PPM1H: variants seen among roughly 807,000 people sequenced by gnomAD.
The protein encoded by PPM1H is protein phosphatase 1H.
In PPM1H, 27 loss-of-function variants were observed where a neutral mutation model predicts 54.9. The ratio of observed to expected loss-of-function variants is 0.49; its 90% CI spans 0.36 to 0.68. The LOEUF (loss-of-function observed/expected upper bound fraction) is 0.68, where lower values mean the gene tolerates loss of function less well. Ranked by LOEUF, PPM1H falls within the 30% of genes least tolerant of loss-of-function variation. The probability of loss-of-function intolerance (pLI) is 0.00; values close to 1 mark genes in which losing one functional copy is unlikely to be tolerated. For missense variants in PPM1H, 596 were observed against 667.8 expected, an observed-to-expected ratio of 0.89 and a Z score of 1.19; for synonymous variants, 305 against 270.8, an observed-to-expected ratio of 1.13 and a Z score of -1.24.
Position 62,877,095 on chromosome 12 carries a change from C to T in PPM1H, c.246-44816G>A, listed in dbSNP as rs17822974. ...TTATTGTGTTCACTGACCTAGGGTA[C>T]GCATATTTTGCTCTAATTAGAAATA... On this transcript the variant is annotated intron_variant, in intron 1 of 9. Coordinates refer to ENST00000228705, the MANE Select transcript of PPM1H (RefSeq NM_020700.2). Among the ~76,000 whole-genome samples, 848 of 152,266 alleles carry T rather than the reference C, an allele frequency of 5.6e-3. 8 individuals are homozygous for T. The highest frequency in any genetic ancestry group is 0.032 in the South Asian group (155 of 4,822).
chr12:62,819,326 A>G (rs1188544497), intron 2 of PPM1H, among the ~76,000 whole-genome samples: 1 of 148,022 alleles, frequency 6.8e-6, no homozygotes, highest in African/African-American at 2.5e-5. Flanking sequence ...AGATGGGTTC[A>G]CCTTCTTGGC....
intron 6 of PPM1H, among the ~76,000 whole-genome samples, chr12:62,707,180 G>T (rs939783025): frequency 6.6e-6 from 1 of 152,118 alleles, no homozygotes; most frequent in African/African-American, 2.4e-5. Flanking sequence ...ATGGTCTCCT[G>T]ACCTATCCCA....
intron 4 of PPM1H, among the ~76,000 whole-genome samples, chr12:62,745,972 C>T (rs2076408071): frequency 6.6e-6 from 1 of 152,116 alleles, no homozygotes; most frequent in Admixed American, 6.5e-5. Context: ...GCAGGAAGAT[C>T]ACTTGAACCC....
intron 3 of PPM1H, among the ~76,000 whole-genome samples, chr12:62,789,988 G>A (rs930861443): frequency 6.6e-6 from 1 of 152,194 alleles, no homozygotes; most frequent in Non-Finnish European, 1.5e-5. Flanking sequence ...GGTGCAGAGG[G>A]AAGGAAAATG....
chr12:62,761,928 G>A (rs1034453364), intron 4 of PPM1H, among the ~76,000 whole-genome samples: 5 of 152,144 alleles, frequency 3.3e-5, no homozygotes, highest in African/African-American at 7.2e-5. Context: ...TCCCAGAAGC[G>A]GCTCTTCCCA....
chr12:62,763,887 T>C (rs1396811473), intron 4 of PPM1H, among the ~76,000 whole-genome samples: 3 of 152,192 alleles, frequency 2.0e-5, no homozygotes, highest in African/African-American at 7.2e-5. Flanking sequence ...CCACTCCTGG[T>C]TGCTTTTGAA....
chr12:62,903,419 C>T (rs982805244), intron 1 of PPM1H, among the ~76,000 whole-genome samples: 2 of 152,122 alleles, frequency 1.3e-5, no homozygotes, highest in Non-Finnish European at 1.5e-5. Context: ...GACTTCCACC[C>T]GCGATGCAAT....
Position 62,791,957 on chromosome 12 carries a change from T to C in PPM1H, c.757-3619A>G, listed in dbSNP as rs116793402. Among the ~76,000 whole-genome samples, 1,185 of 152,288 alleles carry C rather than the reference T, an allele frequency of 7.8e-3. 17 individuals are homozygous for C. The highest frequency in any genetic ancestry group is 0.027 in the African/African-American group (1,125 of 41,554). On this transcript the variant is annotated intron_variant, in intron 3 of 9. Coordinates refer to ENST00000228705, the MANE Select transcript of PPM1H (RefSeq NM_020700.2). ...AAATTATCTGAACACCTACTGCTTG[T>C]ATACTGTCTATAGACTAGAATGTGA...
chr12:62,733,149 A>T (rs2076332193), intron 5 of PPM1H, among the ~76,000 whole-genome samples: 1 of 152,162 alleles, frequency 6.6e-6, no homozygotes, highest in African/African-American at 2.4e-5. Flanking sequence ...AGATTCAGAG[A>T]CAGAGTGTGA....
intron 2 of PPM1H, among the ~76,000 whole-genome samples, chr12:62,827,112 G>T (rs1343018079): frequency 6.6e-6 from 1 of 152,166 alleles, no homozygotes; most frequent in Non-Finnish European, 1.5e-5. Flanking sequence ...CCTTAGGCTT[G>T]TGTGTGAGCT....
intron 1 of PPM1H, among the ~76,000 whole-genome samples, chr12:62,863,493 A>G (rs191207062): frequency 6.6e-6 from 1 of 152,334 alleles, no homozygotes; most frequent in East Asian, 1.9e-4. Context: ...CATTTCCCAC[A>G]AGTGAATTTT....
At chr12:62,805,198 C>CA (rs1202062075) in intron 2 of PPM1H, among the ~76,000 whole-genome samples, 4 of 151,812 alleles carry the variant, frequency 2.6e-5, no homozygotes, top group Non-Finnish European at 4.4e-5. Context: ...TCGCTATTAT[C>CA]AAAAAAACGA....
At chr12:62,666,102 G>A (rs1478981086) in intron 9 of PPM1H, among the ~76,000 whole-genome samples, 4 of 151,968 alleles carry the variant, frequency 2.6e-5, no homozygotes, top group East Asian at 3.9e-4. Flanking sequence ...TTTTGAGACC[G>A]AGTCTTCCTC....
chr12:62,836,506 T>C (rs1868507672), intron 1 of PPM1H, among the ~76,000 whole-genome samples: 1 of 152,202 alleles, frequency 6.6e-6, no homozygotes, highest in African/African-American at 2.4e-5. Flanking sequence ...CCACTGTTAC[T>C]CCCTTTTTAA....
At position 62,838,837 on chromosome 12, in the gene PPM1H, C is replaced by G. The variant is rs1008953884; in HGVS notation, c.246-6558G>C. On this transcript the variant is annotated intron_variant, in intron 1 of 9. Transcript: ENST00000228705. Reference sequence around the variant, plus strand: ...TCGGGAGGCTGAGGCAGGAGAATGGCGTGAACCCGGGAGGCGGAGCTTGCA... The same window carrying G: ...TCGGGAGGCTGAGGCAGGAGAATGGGGTGAACCCGGGAGGCGGAGCTTGCA... Among the ~76,000 whole-genome samples, 2 of 104,876 alleles carry G rather than the reference C, an allele frequency of 1.9e-5. 1 individual carries two copies. The highest frequency in any genetic ancestry group is 3.6e-5 in the Non-Finnish European group (2 of 55,172). The allele number at this position is 104,876 out of a possible 152,430, so 68.8% of individuals were successfully genotyped here.
rs557271593 is a variant in PPM1H, at chr12:62,697,850, G to A, written c.1074-3851C>T. 3.9e-5 allele frequency among the ~76,000 whole-genome samples: 6 copies of A among 151,994 alleles called. No homozygotes were observed. The East Asian group carries it at 5.8e-4, about 15-fold the overall frequency. On this transcript the variant is annotated intron_variant, in intron 6 of 9. Coordinates refer to ENST00000228705, the MANE Select transcript of PPM1H (RefSeq NM_020700.2). ...GACCAGAGATTATATTATTTGTTAC[G>A]AGATAGCAAAACTGAAAGGCTTAGG...
At chr12:62,824,005 C>T (rs148608640) in intron 2 of PPM1H, among the ~76,000 whole-genome samples, 1 of 151,802 alleles carries the variant, frequency 6.6e-6, no homozygotes, top group African/African-American at 2.4e-5. Context: ...AAAACCCCAT[C>T]TTCTCAGCCC....
chr12:62,822,448 C>A (rs2076909959), intron 2 of PPM1H, among the ~76,000 whole-genome samples: 1 of 152,236 alleles, frequency 6.6e-6, no homozygotes, highest in African/African-American at 2.4e-5. Flanking sequence ...ACAGACTATA[C>A]ATTCTTCTCA....
chr12:62,670,607 A>G (rs1017451795), intron 8 of PPM1H, among the ~76,000 whole-genome samples: 4 of 152,182 alleles, frequency 2.6e-5, no homozygotes, highest in African/African-American at 9.7e-5. Context: ...AAATCTGGCC[A>G]ACAGAATGGG....
Sources: gnomAD v4.1 joint callset for allele counts (sites outside exome capture counted in the v4.1 genomes callset) on GRCh38, gnomAD v4.1.1 for gene constraint, MANE v1.5 for transcripts, NCBI Gene and HGNC (gene_info 2026-07-23, HGNC 2026-07-21) for gene names.